The following ABI3BP variants were observed in gnomAD, a reference collection of about 807,000 sequenced individuals.
The protein encoded by ABI3BP is ABI family member 3 binding protein.
A neutral mutation model predicts 268.6 loss-of-function variants in ABI3BP; 216 were observed. That is an observed-to-expected ratio of 0.80 (90% CI 0.72 to 0.90). ABI3BP has a LOEUF of 0.90. ABI3BP is among the 40% of genes least tolerant of loss of function. The pLI is 0.00. For missense variants in ABI3BP, 2,090 were observed against 2,182.4 expected (o/e 0.96, Z 0.84); for synonymous variants, 730 against 730.0 (o/e 1.00, Z 0.00).
intron 2 of ABI3BP, among the ~76,000 whole-genome samples, chr3:100,924,404 T>C (rs191362528): frequency 2.3e-4 from 35 of 152,316 alleles, no homozygotes; most frequent in African/African-American, 8.2e-4. Flanking sequence ...AAGCACAGTG[T>C]TATTAAAAAT....
At chr3:100,943,262 G>T (rs182326877) in intron 1 of ABI3BP, among the ~76,000 whole-genome samples, 340 of 151,986 alleles carry the variant, frequency 2.2e-3, no homozygotes, top group African/African-American at 7.4e-3. Flanking sequence ...GTACATTTCC[G>T]TCTCTCCATC....
chr3:100,898,750 T>C lies in ABI3BP; in HGVS notation c.461+12A>G. 1 of 1,611,924 alleles carries C rather than the reference T, an allele frequency of 6.2e-7. No individual in the cohort carries two copies. Among genetic ancestry groups the C allele is most frequent in the East Asian group, 2.2e-5 (1 of 44,832 alleles). On this transcript the variant is annotated intron_variant, in intron 4 of 67. Transcript: ENST00000471714. ...ATGTACAGATGCTATTAAAAGCAAA[T>C]GCTAATATTACCTGTCATTGGGACA...
intron 1 of ABI3BP, among the ~76,000 whole-genome samples, chr3:100,953,660 T>C (rs1460264803): frequency 2.0e-5 from 3 of 152,126 alleles, no homozygotes; most frequent in Non-Finnish European, 4.4e-5. Flanking sequence ...AGAGAGACGA[T>C]TGTCATACAA....
At chr3:100,968,776 G>T (rs1212596325) in intron 1 of ABI3BP, among the ~76,000 whole-genome samples, 1 of 152,042 alleles carries the variant, frequency 6.6e-6, no homozygotes, top group Non-Finnish European at 1.5e-5. Flanking sequence ...TGCTATGGTG[G>T]TTTGCTGCAC....
intron 1 of ABI3BP, among the ~76,000 whole-genome samples, chr3:100,985,385 G>C (rs1380836275): frequency 6.6e-6 from 1 of 151,858 alleles, no homozygotes; most frequent in Non-Finnish European, 1.5e-5. Context: ...CCCTGACCTC[G>C]TGATCCGCCC....
rs896497214 is a variant in ABI3BP at position 100,850,665 on chromosome 3, G to A, written c.1421C>T (p.Thr474Ile). 2 of 1,608,624 alleles carry A rather than the reference G, an allele frequency of 1.2e-6. No individual in the cohort carries two copies. Among genetic ancestry groups the A allele is most frequent in the African/African-American group, 1.3e-5 (1 of 74,758 alleles). The change falls in exon 16 of 68, where the codon ACA becomes ATA. Residue 474 changes from threonine (T) to isoleucine (I), a missense_variant. Thr to Ile is a moderately conservative substitution (Grantham distance 89, BLOSUM62 -1). Transcript: ENST00000471714. Reference protein sequence around the residue: ...TSRTLEQPRATLAPSETPFVP... With the variant: ...TSRTLEQPRAILAPSETPFVP... ...TTTTCTGTTAAAAACATTACCCAGTGTTGCCCTTGGCTGTTCAAGAGTTCT... is the reference window on the plus strand; with the variant it reads ...TTTTCTGTTAAAAACATTACCCAGTATTGCCCTTGGCTGTTCAAGAGTTCT...
chr3:100,833,371 A>G (rs1275037808), intron 29 of ABI3BP, among the ~76,000 whole-genome samples: 1 of 152,200 alleles, frequency 6.6e-6, no homozygotes, highest in East Asian at 1.9e-4. Context: ...GTTAACTACC[A>G]GTTTTTCTTA....
At chr3:100,756,221 T>C (rs188488312) in intron 63 of ABI3BP, among the ~76,000 whole-genome samples, 1 of 152,346 alleles carries the variant, frequency 6.6e-6, no homozygotes, top group Non-Finnish European at 1.5e-5. Context: ...TTACTATTTT[T>C]GCTTTTCAAA....
At chr3:100,793,788 C>A (rs1313912473) in intron 54 of ABI3BP, among the ~76,000 whole-genome samples, 1 of 151,926 alleles carries the variant, frequency 6.6e-6, no homozygotes, top group South Asian at 2.1e-4. Flanking sequence ...CTGACTTAAA[C>A]AAAGCCATAT....
chr3:100,767,120 TG>T (rs2096309989), intron 62 of ABI3BP, among the ~76,000 whole-genome samples: 1 of 152,030 alleles, frequency 6.6e-6, no homozygotes, highest in Non-Finnish European at 1.5e-5. Context: ...GCTAATTTTT[TG>T]TAGAGACAGG....
At chr3:100,830,689 G>A in intron 31 of ABI3BP, 55 bp from the exon 32 acceptor site, 1 of 1,395,774 alleles carries the variant, frequency 7.2e-7, no homozygotes, top group Non-Finnish European at 9.7e-7. Flanking sequence ...ATGAAATGTT[G>A]GAACATTCAT....
At chr3:100,960,808 A>G (rs2078822032) in intron 1 of ABI3BP, among the ~76,000 whole-genome samples, 1 of 152,208 alleles carries the variant, frequency 6.6e-6, no homozygotes, top group Non-Finnish European at 1.5e-5. Context: ...TCCTCATTTA[A>G]TGACCAGGTG....
At chr3:100,914,626 G>A (rs967560151) in intron 2 of ABI3BP, among the ~76,000 whole-genome samples, 21 of 152,172 alleles carry the variant, frequency 1.4e-4, no homozygotes, top group African/African-American at 4.8e-4. Context: ...TCATTGGCCC[G>A]CTATAGAGAG....
At chr3:100,803,026 T>A (rs1274536485) in intron 51 of ABI3BP, among the ~76,000 whole-genome samples, 2 of 145,976 alleles carry the variant, frequency 1.4e-5, no homozygotes, top group Non-Finnish European at 3.1e-5. Flanking sequence ...GCCTTATGAT[T>A]ATTCCTGGGG....
chr3:100,752,491 A>T, intron 66 of ABI3BP: 1 of 263,734 alleles, frequency 3.8e-6, no homozygotes, highest in Middle Eastern at 1.2e-3. Flanking sequence ...CGGTTTTTTT[A>T]TCCCTGGATG....
At chr3:100,946,259 T>A (rs2072203221) in intron 1 of ABI3BP, among the ~76,000 whole-genome samples, 1 of 151,000 alleles carries the variant, frequency 6.6e-6, no homozygotes, top group Non-Finnish European at 1.5e-5. Flanking sequence ...TAATCACAGC[T>A]ACTCAGGAAG....
chr3:100,813,696 G>A lies in ABI3BP; in HGVS notation c.3329C>T (p.Thr1110Ile), dbSNP rs1473497851. The change falls in exon 45 of 68, where the codon ACA becomes ATA. Residue 1110 changes from threonine (T) to isoleucine (I), a missense_variant. Thr to Ile is a moderately conservative substitution (Grantham distance 89). Coordinates refer to ENST00000471714, the MANE Select transcript of ABI3BP (RefSeq NM_001375547.2). ...ELQTLILKPV[T>I]SPSLEMTESQ... ...TTCTGTCATTTCTAGGCTTGGTGAT[G>A]TCACTGGTTTCAAAATAAGAGTTTG... The A allele has an allele frequency of 2.0e-6, 3 of 1,535,282 alleles. No homozygotes were observed. The highest frequency in any genetic ancestry group is 1.7e-6 in the Non-Finnish European group (2 of 1,146,434).
chr3:100,914,866 T>C (rs1421946481), intron 2 of ABI3BP, among the ~76,000 whole-genome samples: 2 of 152,152 alleles, frequency 1.3e-5, no homozygotes, highest in East Asian at 1.9e-4. Context: ...TTAAAGACAG[T>C]CCTTTGAGGA....
Position 100,840,112 on chromosome 3 carries a change from A to C in ABI3BP, c.1857T>G (p.Pro619=). ...PGRRPRPRPR[P]KTTPSPEVPK... Reference sequence around the variant, plus strand: ...GCACTTCTGGACTAGGTGTGGTTTTAGGGCGGGGACGGGGGCGGGGGCGAC... The same window carrying C: ...GCACTTCTGGACTAGGTGTGGTTTTCGGGCGGGGACGGGGGCGGGGGCGAC... The change falls in exon 23 of 68, where the codon CCT becomes CCG. Residue 619 remains proline (P), a synonymous_variant. Transcript: ENST00000471714. The C allele has an allele frequency of 5.6e-6, 3 of 534,406 alleles. No individual in the cohort carries two copies. Among genetic ancestry groups the C allele is most frequent in the Non-Finnish European group, 8.2e-6 (3 of 364,814 alleles). The allele number at this position is 534,406 out of a possible 1,614,324, so 33.1% of individuals were successfully genotyped here. A position where few individuals can be genotyped will look rare whatever the true frequency, so the allele number is the denominator to read the frequency against.
Sources: allele counts gnomAD v4.1 joint callset (sites outside exome capture counted in the v4.1 genomes callset), GRCh38; gene constraint gnomAD v4.1.1; transcripts MANE v1.5; gene names NCBI Gene and HGNC (gene_info 2026-07-23, HGNC 2026-07-21).